The following PRKCH variants were observed in gnomAD, a reference collection of about 807,000 sequenced individuals.
PRKCH encodes protein kinase C eta.
Under a neutral mutation model 82.5 loss-of-function variants are expected in PRKCH, and 28 were observed. The observed-to-expected ratio is 0.34, with a 90% CI of 0.25 to 0.47. The LOEUF (loss-of-function observed/expected upper bound fraction) is 0.47. Among genes scored for constraint, PRKCH ranks in the 20% least tolerant of loss-of-function variants. PRKCH has a pLI of 1.00. For synonymous variants in PRKCH, 322 were observed against 327.4 expected (o/e 0.98, Z 0.18); for missense variants, 705 against 881.8 (o/e 0.80, Z 2.54).
At chr14:61,274,886 T>C (rs1358935901) in intron 1 of PRKCH, among the ~76,000 whole-genome samples, 2 of 152,194 alleles carry the variant, frequency 1.3e-5, no homozygotes, top group Non-Finnish European at 2.9e-5. Context: ...TAAAGATACA[T>C]GAAAGTGAAT....
chr14:61,433,083 G>A (rs1453029218), intron 2 of PRKCH, among the ~76,000 whole-genome samples: 2 of 143,364 alleles, frequency 1.4e-5, no homozygotes, highest in Admixed American at 1.4e-4. Flanking sequence ...TGGTGGCCGA[G>A]GTTCAAAGCT....
chr14:61,520,293 G>A (rs1211072107), intron 10 of PRKCH, among the ~76,000 whole-genome samples: 3 of 149,412 alleles, frequency 2.0e-5, no homozygotes, highest in Non-Finnish European at 3.0e-5. Context: ...TTTTCCTCCT[G>A]TCTTTCCTCC....
intron 10 of PRKCH, among the ~76,000 whole-genome samples, chr14:61,490,751 A>G (rs143336263): frequency 6.6e-6 from 1 of 152,190 alleles, no homozygotes; most frequent in East Asian, 1.9e-4. Context: ...CTGTCTCTAT[A>G]AAAAATACAA....
intron 2 of PRKCH, among the ~76,000 whole-genome samples, chr14:61,399,093 T>G (rs1276012482): frequency 6.6e-6 from 1 of 152,190 alleles, no homozygotes; most frequent in South Asian, 2.1e-4. Context: ...TGATATGACA[T>G]CTGGGCTTTA....
chr14:61,471,365 T>C (rs1021984978), intron 9 of PRKCH, among the ~76,000 whole-genome samples: 1 of 152,212 alleles, frequency 6.6e-6, no homozygotes, highest in African/African-American at 2.4e-5. Context: ...TTCTGTTTTC[T>C]CTTCTGGAAG....
intron 2 of PRKCH, among the ~76,000 whole-genome samples, chr14:61,421,065 C>T (rs1364155595): frequency 6.6e-6 from 1 of 151,506 alleles, no homozygotes; most frequent in African/African-American, 2.4e-5. Context: ...CACAGGTTGC[C>T]ATTGCTAATG....
At chr14:61,210,116 ATATATATATATATATATAT>A (rs2044560040) in intron 1 of PRKCH, among the ~76,000 whole-genome samples, 2 of 13,560 alleles carry the variant, frequency 1.5e-4, no homozygotes, top group Admixed American at 8.5e-4. Flanking sequence ...AAACAAATAT[ATATATATATATATATATAT>A]ATATATATAT....
chr14:61,283,068 C>G (rs1186356732), intron 1 of PRKCH, among the ~76,000 whole-genome samples: 1 of 151,794 alleles, frequency 6.6e-6, no homozygotes, highest in African/African-American at 2.4e-5. Context: ...AGGTGTCTCC[C>G]TCAGTTGTCC....
At chr14:61,304,202 C>G (rs914967461) in intron 1 of PRKCH, 23 of 150,700 alleles carry the variant, frequency 1.5e-4, no homozygotes, top group African/African-American at 5.3e-4. Context: ...AAAATAAACA[C>G]ACACACACAC....
chr14:61,522,407 C>A (rs2042918192), intron 10 of PRKCH, among the ~76,000 whole-genome samples: 1 of 152,158 alleles, frequency 6.6e-6, no homozygotes, highest in South Asian at 2.1e-4. Flanking sequence ...TCACTGGCCC[C>A]TGCCTCATCT....
Position 61,453,322 on chromosome 14 carries a change from G to C in PRKCH, c.929G>C (p.Gly310Ala). Residue 310 changes from glycine to alanine, a missense_variant, in exon 7 of 14, where the codon GGT (glycine) becomes GCT (alanine). This residue lies in a region of PRKCH where 238 missense variants were observed against 258.1 expected (regional missense o/e 0.92). Transcript: ENST00000332981. Reference sequence around the variant, plus strand: ...CTTGCCAAGACCCTGGCAGGGATGGGTCTCCAACCCGGAAATATTTCTCCA... The same window carrying C: ...CTTGCCAAGACCCTGGCAGGGATGGCTCTCCAACCCGGAAATATTTCTCCA... ...VELAKTLAGM[G>A]LQPGNISPTS... 1 of 1,613,572 alleles carries C rather than the reference G, an allele frequency of 6.2e-7. No individual in the cohort carries two copies. The highest frequency in any genetic ancestry group is 8.5e-7 in the Non-Finnish European group (1 of 1,179,760).
At chr14:61,250,892 A>T (rs760122064) in intron 1 of PRKCH, among the ~76,000 whole-genome samples, 1 of 152,180 alleles carries the variant, frequency 6.6e-6, no homozygotes, top group Non-Finnish European at 1.5e-5. Flanking sequence ...AACTTCTCTA[A>T]AAAAGCCATT....
In PRKCH at chr14:61,453,292, T is replaced by C; in HGVS notation, c.899T>C (p.Val300Ala). 6.2e-7 allele frequency: 1 copy of C among 1,614,136 alleles called. No homozygotes were observed. The highest frequency in any genetic ancestry group is 2.2e-5 in the East Asian group (1 of 44,868). ...NVAPNCGVNA[V>A]ELAKTLAGMG... ...GCCCCTAACTGTGGGGTAAATGCGGTGGAACTTGCCAAGACCCTGGCAGGG... is the reference window on the plus strand; with the variant it reads ...GCCCCTAACTGTGGGGTAAATGCGGCGGAACTTGCCAAGACCCTGGCAGGG... The change falls in exon 7 of 14, where the codon GTG becomes GCG. Residue 300 changes from valine (V) to alanine (A), a missense_variant. Val to Ala is a moderately conservative substitution (Grantham distance 64). Coordinates refer to ENST00000332981, the MANE Select transcript of PRKCH (RefSeq NM_006255.5).
intron 1 of PRKCH, among the ~76,000 whole-genome samples, chr14:61,332,663 T>C (rs2045805202): frequency 6.6e-6 from 1 of 152,256 alleles, no homozygotes; most frequent in African/African-American, 2.4e-5. Flanking sequence ...ATAAGTCATA[T>C]AGGCCAGAGT....
In PRKCH at chr14:61,321,980, C is replaced by T. The variant is rs1379723220; in HGVS notation, c.-122C>T. 3 of 1,103,726 alleles carry T rather than the reference C, an allele frequency of 2.7e-6. No individual in the cohort carries two copies. In the South Asian group the frequency reaches 5.0e-5, roughly 18 times the overall value. The allele number at this position is 1,103,726 out of a possible 1,614,324, so 68.4% of individuals were successfully genotyped here. Reference sequence around the variant, plus strand: ...TGGCCAGTCGAGGGGCGCTTAGGCGCTGCCTTTCCCCAGGGCTGCCTCGAC... The same window carrying T: ...TGGCCAGTCGAGGGGCGCTTAGGCGTTGCCTTTCCCCAGGGCTGCCTCGAC... On this transcript the variant is annotated 5_prime_UTR_variant, in exon 1 of 14. Coordinates refer to ENST00000332981, the MANE Select transcript of PRKCH (RefSeq NM_006255.5). The surrounding 1 kb of genome is among the most constrained non-coding windows in gnomAD (Gnocchi z 4.1).
rs550347070 is a variant in PRKCH at position 61,430,582 on chromosome 14, A to G, written c.428-12529A>G. Among the ~76,000 whole-genome samples, 7 of 152,316 alleles carry G rather than the reference A, an allele frequency of 4.6e-5. No individual in the cohort carries two copies. In the South Asian group the frequency reaches 1.2e-3, roughly 27 times the overall value. The stretch of plus-strand genomic sequence containing the variant: ...GACCTTGCTGTTAGAGTAGTTAGGC[A>G]GATATGAGCGGGGCAGGAGAGGCCC... On this transcript the variant is annotated intron_variant, in intron 2 of 13. Coordinates refer to ENST00000332981, the MANE Select transcript of PRKCH (RefSeq NM_006255.5).
At chr14:61,449,049 A>AG in intron 4 of PRKCH, 115 bp from the exon 5 acceptor site, 1 of 874,480 alleles carries the variant, frequency 1.1e-6, no homozygotes, top group Non-Finnish European at 1.8e-6. Context: ...GCTGCTGTCA[A>AG]GGGGGCCAGA....
intron 2 of PRKCH, among the ~76,000 whole-genome samples, chr14:61,413,210 G>A (rs1882360654): frequency 6.6e-6 from 1 of 152,020 alleles, no homozygotes. Context: ...TAATTACAAA[G>A]TGTACCTCTC....
intron 1 of PRKCH, among the ~76,000 whole-genome samples, chr14:61,325,842 A>G (rs957103307): frequency 1.3e-5 from 2 of 152,244 alleles, no homozygotes; most frequent in African/African-American, 4.8e-5. Context: ...TTCATGCCAA[A>G]TAGCACATTA....
Sources: gnomAD v4.1 joint callset for allele counts (sites outside exome capture counted in the v4.1 genomes callset) on GRCh38, gnomAD v4.1.1 for gene constraint, gnomAD v4.1.1 regional missense constraint, Gnocchi (gnomAD v3.1) non-coding constraint, MANE v1.5 for transcripts, NCBI Gene and HGNC (gene_info 2026-07-23, HGNC 2026-07-21) for gene names.